The following CPQ variants were observed in gnomAD, a reference collection of about 807,000 sequenced individuals.
The protein encoded by CPQ is carboxypeptidase Q.
Under a neutral mutation model 45.7 loss-of-function variants are expected in CPQ, and 37 were observed. The ratio of observed to expected loss-of-function variants is 0.81; its 90% CI spans 0.62 to 1.07. The LOEUF is 1.07. CPQ is among the 50% of genes least tolerant of loss of function. The pLI, the probability that CPQ is intolerant of heterozygous loss-of-function variation, is 0.00. For missense variants in CPQ, 537 were observed against 572.9 expected (o/e 0.94, Z 0.64); for synonymous variants, 186 against 205.8 (o/e 0.90, Z 0.82).
intron 5 of CPQ, among the ~76,000 whole-genome samples, chr8:97,026,251 C>CA (rs1408520974): frequency 7.2e-5 from 11 of 152,202 alleles, no homozygotes; most frequent in African/African-American, 2.4e-4. Flanking sequence ...TGTGCCAGGA[C>CA]TATGCTTGAT....
chr8:97,063,162 A>C (rs1417034081), intron 6 of CPQ, among the ~76,000 whole-genome samples: 1 of 152,032 alleles, frequency 6.6e-6, no homozygotes, highest in African/African-American at 2.4e-5. Context: ...AGTTTTTAAT[A>C]GTTGCCATTC....
chr8:97,001,721 C>CTTTTTTTTTTTTTTTTT (rs61282246), intron 5 of CPQ, among the ~76,000 whole-genome samples: 48 of 92,072 alleles, frequency 5.2e-4, no homozygotes, highest in Non-Finnish European at 5.9e-4. Flanking sequence ...TTCTTTCTTT[C>CTTTTTTTTTTTTTTTTT]TTTTTTTTTT....
intron 7 of CPQ, among the ~76,000 whole-genome samples, chr8:97,106,284 G>A (rs1811402293): frequency 6.6e-6 from 1 of 152,220 alleles, no homozygotes. Flanking sequence ...TCCTTAACAT[G>A]CTTGGAAAGA....
chr8:96,835,019 G>A lies in CPQ; in HGVS notation c.480G>A (p.Gln160=), dbSNP rs778906940. Residue 160 remains glutamine (Q), a synonymous_variant, in exon 3 of 8, where the codon CAG becomes CAA. Transcript: ENST00000220763. The part of the protein sequence containing the change: ...VLVVTSFDEL[Q]RRASEARGKI... ...TGGTGACCTCTTTCGATGAACTGCAGAGAAGGGCCTCAGAAGCAAGAGGGA... is the reference window on the plus strand; with the variant it reads ...TGGTGACCTCTTTCGATGAACTGCAAAGAAGGGCCTCAGAAGCAAGAGGGA... The A allele has an allele frequency of 3.1e-6, 5 of 1,613,864 alleles. No individual in the cohort carries two copies. The South Asian group carries it at 5.5e-5, about 18-fold the overall frequency.
intron 4 of CPQ, among the ~76,000 whole-genome samples, chr8:96,929,204 C>G (rs1006177760): frequency 6.6e-6 from 1 of 152,134 alleles, no homozygotes. Context: ...AGGACTAAAA[C>G]TGCCTACAAA....
intron 2 of CPQ, among the ~76,000 whole-genome samples, chr8:96,789,146 A>G (rs1025487189): frequency 6.6e-6 from 1 of 151,992 alleles, no homozygotes; most frequent in African/African-American, 2.4e-5. Context: ...GCCCCCTAAA[A>G]GACAGTTTCT....
intron 2 of CPQ, among the ~76,000 whole-genome samples, chr8:96,797,433 T>C (rs1288704286): frequency 2.6e-5 from 4 of 152,214 alleles, no homozygotes; most frequent in African/African-American, 9.6e-5. Flanking sequence ...AAGAACAGAT[T>C]GCCATTGGTT....
chr8:97,103,592 T>C lies in CPQ; in HGVS notation c.1255+37382T>C, dbSNP rs112162118. Among the ~76,000 whole-genome samples the C allele has an allele frequency of 3.8e-3, 576 of 152,262 alleles. 2 individuals are homozygous for C. Among genetic ancestry groups the C allele is most frequent in the African/African-American group, 0.013 (554 of 41,544 alleles). On this transcript the variant is annotated intron_variant, in intron 7 of 7. Coordinates refer to ENST00000220763, the MANE Select transcript of CPQ (RefSeq NM_016134.4). ...CAACCTGATGGCTAGCTGGGTTACC[T>C]TGGGAAAATTACATGATTGCATTGG...
At chr8:96,730,937 A>G (rs1012954148) in intron 1 of CPQ, among the ~76,000 whole-genome samples, 6 of 143,742 alleles carry the variant, frequency 4.2e-5, no homozygotes, top group Non-Finnish European at 7.6e-5. Flanking sequence ...CCCCCACCCA[A>G]TAAACCTTAT....
At chr8:96,863,805 T>A (rs146693346) in intron 3 of CPQ, among the ~76,000 whole-genome samples, 1 of 152,050 alleles carries the variant, frequency 6.6e-6, no homozygotes. Flanking sequence ...TAAGGAGTTT[T>A]ATGGAGAATG....
At chr8:96,677,817 G>A (rs1052834963) in intron 1 of CPQ, among the ~76,000 whole-genome samples, 17 of 152,114 alleles carry the variant, frequency 1.1e-4, no homozygotes, top group African/African-American at 3.6e-4. Flanking sequence ...TTAGGTTTAA[G>A]TTTTTGATCC....
intron 7 of CPQ, among the ~76,000 whole-genome samples, chr8:97,078,294 G>T (rs1464898267): frequency 6.6e-6 from 1 of 152,126 alleles, no homozygotes; most frequent in East Asian, 1.9e-4. Flanking sequence ...TCTCTTCAAA[G>T]AATCCAATTT....
chr8:97,062,098 G>A (rs1563569671), intron 6 of CPQ, among the ~76,000 whole-genome samples: 1 of 152,148 alleles, frequency 6.6e-6, no homozygotes, highest in Non-Finnish European at 1.5e-5. Flanking sequence ...GAAGTCCCCT[G>A]TCCCTAGGAC....
chr8:96,773,344 G>A (rs991270132), intron 1 of CPQ, among the ~76,000 whole-genome samples: 5 of 152,284 alleles, frequency 3.3e-5, no homozygotes, highest in African/African-American at 9.6e-5. Context: ...ATATAGTCTA[G>A]CAGGGTGACA....
At chr8:96,783,260 A>AGTGTGTGTGTGTGTGTGTGTGTGT (rs71267280) in intron 1 of CPQ, among the ~76,000 whole-genome samples, 2 of 147,906 alleles carry the variant, frequency 1.4e-5, no homozygotes, top group African/African-American at 5.0e-5. Context: ...TAGTTGTGTG[A>AGTGTGTGTGTGTGTGTGTGTGTGT]GTGTGTGTGT....
chr8:97,114,237 C>T (rs1042850056), intron 7 of CPQ, among the ~76,000 whole-genome samples: 2 of 152,136 alleles, frequency 1.3e-5, no homozygotes, highest in African/African-American at 4.8e-5. Flanking sequence ...GTAGTTGGCA[C>T]GTGGTTGGTG....
intron 2 of CPQ, among the ~76,000 whole-genome samples, chr8:96,797,007 A>G (rs1370334838): frequency 6.6e-6 from 1 of 152,186 alleles, no homozygotes; most frequent in Non-Finnish European, 1.5e-5. Flanking sequence ...CAGATTTTAA[A>G]TTGAGCTTCT....
intron 1 of CPQ, among the ~76,000 whole-genome samples, chr8:96,645,864 T>C (rs1183141888): frequency 2.0e-5 from 3 of 151,624 alleles, no homozygotes; most frequent in African/African-American, 4.9e-5. Context: ...CTTTCGCTTT[T>C]GATGCGTCTA....
At chr8:96,944,669 G>A (rs933542781) in intron 4 of CPQ, among the ~76,000 whole-genome samples, 7 of 152,060 alleles carry the variant, frequency 4.6e-5, no homozygotes, top group Admixed American at 2.0e-4. Flanking sequence ...TTGAACAAAC[G>A]GCATTAATTT....
Sources: allele counts gnomAD v4.1 joint callset (sites outside exome capture counted in the v4.1 genomes callset), GRCh38; gene constraint gnomAD v4.1.1; transcripts MANE v1.5; gene names NCBI Gene and HGNC (gene_info 2026-07-23, HGNC 2026-07-21).